RAD51B: variants seen among roughly 807,000 people sequenced by gnomAD.
RAD51B encodes the protein DNA repair protein RAD51 homolog 2.
RAD51B carries 38 observed loss-of-function variants against 42.2 expected under a neutral mutation model. That is an observed-to-expected ratio of 0.90 (90% CI 0.70 to 1.18). The LOEUF (loss-of-function observed/expected upper bound fraction) is 1.18, where lower values mean the gene tolerates loss of function less well. Ranked by LOEUF, RAD51B falls within the 50% of genes most tolerant of loss-of-function variation. The pLI, the probability that RAD51B is intolerant of heterozygous loss-of-function variation, is 0.00. For missense variants in RAD51B, 373 were observed against 400.7 expected, an observed-to-expected ratio of 0.93 and a Z score of 0.59; for synonymous variants, 154 against 145.2, an observed-to-expected ratio of 1.06 and a Z score of -0.43.
chr14:68,097,358 A>T (rs2077213347), intron 7 of RAD51B, among the ~76,000 whole-genome samples: 1 of 152,002 alleles, frequency 6.6e-6, no homozygotes, highest in African/African-American at 2.4e-5. Context: ...GCCATGTAGA[A>T]GTTTTTGAAC....
At chr14:68,435,811 C>T (rs548152930) in intron 9 of RAD51B, among the ~76,000 whole-genome samples, 4 of 152,194 alleles carry the variant, frequency 2.6e-5, no homozygotes, top group African/African-American at 9.6e-5. Flanking sequence ...TTGTTGGCTA[C>T]CTGTGTATCT....
intron 8 of RAD51B, among the ~76,000 whole-genome samples, chr14:68,301,739 G>T (rs965013940): frequency 2.0e-5 from 3 of 152,004 alleles, no homozygotes; most frequent in African/African-American, 7.3e-5. Context: ...TGGGATTACA[G>T]GCATGCACCA....
chr14:68,103,883 T>G (rs1278135116), intron 7 of RAD51B, among the ~76,000 whole-genome samples: 1 of 152,136 alleles, frequency 6.6e-6, no homozygotes, highest in Admixed American at 6.5e-5. Context: ...ATGTAGGGAA[T>G]TTTGCACGTT....
chr14:68,516,865 T>G (rs547236650), intron 10 of RAD51B, among the ~76,000 whole-genome samples: 7 of 152,348 alleles, frequency 4.6e-5, no homozygotes, highest in Non-Finnish European at 8.8e-5. Flanking sequence ...ATCAAAAACC[T>G]CTGTAAGTGT....
intron 7 of RAD51B, among the ~76,000 whole-genome samples, chr14:68,083,837 G>A (rs2076948233): frequency 1.3e-5 from 2 of 152,150 alleles, no homozygotes; most frequent in Middle Eastern, 3.4e-3. Context: ...ACAAGTACAA[G>A]CGACAATAAA....
intron 7 of RAD51B, among the ~76,000 whole-genome samples, chr14:68,273,269 G>C (rs566524304): frequency 1.3e-5 from 2 of 152,154 alleles, no homozygotes; most frequent in Non-Finnish European, 2.9e-5. Flanking sequence ...CCAGAGTCAG[G>C]AAGTCTCCCA....
chr14:68,173,676 C>T (rs1012130664), intron 7 of RAD51B, among the ~76,000 whole-genome samples: 2 of 152,112 alleles, frequency 1.3e-5, no homozygotes, highest in Non-Finnish European at 2.9e-5. Context: ...AAATGACTCC[C>T]TTGTTGTCAT....
Position 68,673,533 on chromosome 14 carries a change from CAT to C in RAD51B, c.*11+22679_*11+22680del, listed in dbSNP as rs530693549. Reference sequence around the variant, plus strand: ...GTACACACATATGTACGCGCACACACATACACATACATATGTACACACATATG... The same window carrying C: ...GTACACACATATGTACGCGCACACACACACATACATATGTACACACATATG... On this transcript the variant is annotated intron_variant, in intron 11 of 11. Coordinates refer to the RAD51B transcript ENST00000488612. Among the ~76,000 whole-genome samples the C allele has an allele frequency of 4.0e-3, 612 of 151,440 alleles. 7 individuals are homozygous for C. Among genetic ancestry groups the C allele is most frequent in the African/African-American group, 0.014 (584 of 41,058 alleles).
chr14:68,080,221 T>G (rs1039535253), intron 7 of RAD51B, among the ~76,000 whole-genome samples: 1 of 152,234 alleles, frequency 6.6e-6, no homozygotes, highest in Non-Finnish European at 1.5e-5. Context: ...CCTGTTTATT[T>G]GATGGGGAAT....
At chr14:67,921,964 C>G (rs2044341372) in intron 7 of RAD51B, among the ~76,000 whole-genome samples, 2 of 152,084 alleles carry the variant, frequency 1.3e-5, no homozygotes, top group Non-Finnish European at 2.9e-5. Context: ...GCTCTGACTA[C>G]CAGGATAGGC....
At chr14:67,899,344 C>A (rs1363537591) in intron 7 of RAD51B, among the ~76,000 whole-genome samples, 1 of 152,056 alleles carries the variant, frequency 6.6e-6, no homozygotes, top group South Asian at 2.1e-4. Flanking sequence ...CCACCACACC[C>A]GGCCTAGATT....
chr14:67,967,013 T>C (rs1782848215), intron 7 of RAD51B, among the ~76,000 whole-genome samples: 1 of 152,198 alleles, frequency 6.6e-6, no homozygotes, highest in South Asian at 2.1e-4. Context: ...AGAGGTTTAA[T>C]TGGACTTACA....
At chr14:68,332,352 G>A (rs1339362268) in intron 8 of RAD51B, among the ~76,000 whole-genome samples, 2 of 152,032 alleles carry the variant, frequency 1.3e-5, no homozygotes, top group Non-Finnish European at 1.5e-5. Context: ...ACATACTTTG[G>A]TCATTTATTT....
exon 11 of RAD51B, chr14:68,595,951 CT>C (rs11305606): frequency 0.37 from 125,051 of 335,450 alleles, 9,778 homozygotes; most frequent in South Asian, 0.5. Context: ...TTGGAATTGT[CT>C]TTTTTTTTTT....
chr14:68,302,746 C>G (rs147047965), intron 8 of RAD51B, among the ~76,000 whole-genome samples: 2,207 of 152,262 alleles, frequency 0.014, 49 homozygotes, highest in African/African-American at 0.05. Flanking sequence ...AGGGATGGGC[C>G]AAATTAAAGG....
At chr14:68,237,878 G>A (rs994424950) in intron 7 of RAD51B, among the ~76,000 whole-genome samples, 6 of 151,870 alleles carry the variant, frequency 4.0e-5, no homozygotes, top group African/African-American at 1.5e-4. Flanking sequence ...GGGATTACAG[G>A]CATGCACCAC....
At chr14:67,874,671 G>GC (rs1555409142) in intron 5 of RAD51B, among the ~76,000 whole-genome samples, 1 of 150,550 alleles carries the variant, frequency 6.6e-6, no homozygotes, top group Admixed American at 6.6e-5. Context: ...TTTTTTTGTT[G>GC]TTTTTTTTTA....
At chr14:67,998,201 G>T (rs2075419024) in intron 7 of RAD51B, among the ~76,000 whole-genome samples, 1 of 152,158 alleles carries the variant, frequency 6.6e-6, no homozygotes, top group African/African-American at 2.4e-5. Flanking sequence ...AAATATAAGT[G>T]CAGCTTACTG....
intron 9 of RAD51B, among the ~76,000 whole-genome samples, chr14:68,442,066 C>T (rs1164780277): frequency 2.0e-5 from 3 of 152,138 alleles, no homozygotes; most frequent in African/African-American, 7.2e-5. Flanking sequence ...GGGGGTGGGT[C>T]TAGAAATCTG....
Sources: gnomAD v4.1 joint callset for allele counts (sites outside exome capture counted in the v4.1 genomes callset) on GRCh38, gnomAD v4.1.1 for gene constraint, MANE v1.5 for transcripts, NCBI Gene and HGNC (gene_info 2026-07-23, HGNC 2026-07-21) for gene names.